Variants in AFDN observed in about 807,000 individuals in gnomAD.
The protein encoded by AFDN is afadin, adherens junction formation factor, also known as afadin.
Under a neutral mutation model 216.6 loss-of-function variants are expected in AFDN, and 68 were observed. The ratio of observed to expected loss-of-function variants is 0.31; its 90% CI spans 0.26 to 0.38. The LOEUF (loss-of-function observed/expected upper bound fraction) is 0.38, where lower values mean the gene tolerates loss of function less well. AFDN is among the 10% of genes least tolerant of loss of function. AFDN has a pLI of 1.00. For synonymous variants in AFDN, 868 were observed against 853.7 expected (o/e 1.02, Z -0.29); for missense variants, 2,136 against 2,342.0 (o/e 0.91, Z 1.82).
At chr6:167,859,099 A>C (rs1783242083) in intron 1 of AFDN, among the ~76,000 whole-genome samples, 1 of 147,650 alleles carries the variant, frequency 6.8e-6, no homozygotes, top group African/African-American at 2.5e-5. Flanking sequence ...TTCTTTTTCA[A>C]ATGCTTCCAG....
At chr6:167,934,116 T>G (rs1004902982) in intron 23 of AFDN, among the ~76,000 whole-genome samples, 3 of 152,212 alleles carry the variant, frequency 2.0e-5, no homozygotes, top group African/African-American at 7.2e-5. Context: ...CACCTGCAAA[T>G]GTCGCGTGCG....
At chr6:167,840,505 T>G (rs1780943630) in intron 1 of AFDN, among the ~76,000 whole-genome samples, 1 of 152,212 alleles carries the variant, frequency 6.6e-6, no homozygotes, top group Non-Finnish European at 1.5e-5. Context: ...ATGCTGGGGC[T>G]CATTCTTGAA....
chr6:167,906,588 C>CAA (rs1789718811), intron 12 of AFDN, among the ~76,000 whole-genome samples: 1 of 152,108 alleles, frequency 6.6e-6, no homozygotes, highest in Admixed American at 6.5e-5. Context: ...TGTCTGCCTA[C>CAA]AAATTCCATA....
At chr6:167,954,403 CT>C (rs774225279) in intron 30 of AFDN, 20 of 1,507,956 alleles carry the variant, frequency 1.3e-5, no homozygotes, top group South Asian at 3.8e-5. Context: ...CTAAACCTAA[CT>C]TTTTTTTCCA....
At chr6:167,907,430 C>T in intron 13 of AFDN, 141 bp downstream of exon 13, 1 of 649,274 alleles carries the variant, frequency 1.5e-6, no homozygotes, top group Non-Finnish European at 2.6e-6. Context: ...CATTTCCTTT[C>T]TGTGTTATTG....
chr6:167,864,724 C>T lies in AFDN; in HGVS notation c.279C>T (p.Leu93=), dbSNP rs1413533965. The T allele has an allele frequency of 1.2e-6, 2 of 1,614,012 alleles. No individual in the cohort carries two copies. The highest frequency in any genetic ancestry group is 1.3e-5 in the African/African-American group (1 of 74,940). The change falls in exon 2 of 34, where the codon CTC becomes CTT. Residue 93 remains leucine (L), a synonymous_variant. Transcript: ENST00000683244. ...TGCTGTCCTCTCCCAAGTATTCACT[C>T]TATGAAGTGCATGTCAGCGGAGGTC... ...MRMLSSPKYS[L]YEVHVSGERR...
intron 1 of AFDN, among the ~76,000 whole-genome samples, chr6:167,855,879 C>T (rs1376336607): frequency 2.0e-5 from 3 of 152,098 alleles, no homozygotes; most frequent in African/African-American, 7.2e-5. Flanking sequence ...AATGATAAGT[C>T]ATAGTACAGT....
chr6:167,936,093 A>G (rs1793966046), intron 23 of AFDN, among the ~76,000 whole-genome samples: 1 of 152,222 alleles, frequency 6.6e-6, no homozygotes, highest in Admixed American at 6.5e-5. Context: ...TGCAGTCAAT[A>G]TAAAAATCAT....
In AFDN at chr6:167,962,304, G is replaced by C. The variant is rs370787238; in HGVS notation, c.4834-129G>C. The C allele has an allele frequency of 2.4e-6, 3 of 1,272,332 alleles. No individual in the cohort carries two copies. Among genetic ancestry groups the C allele is most frequent in the Non-Finnish European group, 3.1e-6 (3 of 959,170 alleles). 78.8% of individuals were successfully genotyped at this position (1,272,332 alleles called of 1,614,324 possible). Reference sequence around the variant, plus strand: ...TATTTTCCAACAGTGATTTTAACCTGGTATTTTATATTTAACTTTCTGTGT... The same window carrying C: ...TATTTTCCAACAGTGATTTTAACCTCGTATTTTATATTTAACTTTCTGTGT... On this transcript the variant is annotated intron_variant, in intron 30 of 33. Transcript: ENST00000683244. The surrounding 1 kb of genome is among the most constrained non-coding windows in gnomAD (Gnocchi z 5.2).
chr6:167,939,654 C>A (rs1439957619), intron 23 of AFDN, among the ~76,000 whole-genome samples: 1 of 152,074 alleles, frequency 6.6e-6, no homozygotes, highest in Non-Finnish European at 1.5e-5. Context: ...ATGAAATTGT[C>A]GTTTAAACAG....
In AFDN at chr6:167,914,630, CTA is replaced by C. The variant is rs1200526823; in HGVS notation, c.2205-12_2205-11del. Reference sequence around the variant, plus strand: ...GTCATGCTAAGATTACTTAAATTGTCTATGTATTTTCAGATACTTGGTTCACT... The same window carrying C: ...GTCATGCTAAGATTACTTAAATTGTCTGTATTTTCAGATACTTGGTTCACT... On this transcript the variant is annotated splice_polypyrimidine_tract_variant and intron_variant, in intron 17 of 33. Transcript: ENST00000683244. 7 of 1,553,692 alleles carry C rather than the reference CTA, an allele frequency of 4.5e-6. No individual in the cohort carries two copies. Among genetic ancestry groups the C allele is most frequent in the Non-Finnish European group, 6.2e-6 (7 of 1,125,888 alleles).
At chr6:167,947,405 T>G (rs1020886171) in intron 27 of AFDN, among the ~76,000 whole-genome samples, 1 of 152,224 alleles carries the variant, frequency 6.6e-6, no homozygotes, top group South Asian at 2.1e-4. Context: ...GGTCTCGATC[T>G]CCTGACCTCG....
At chr6:167,869,348 TA>T (rs201904113) in intron 2 of AFDN, among the ~76,000 whole-genome samples, 2 of 151,444 alleles carry the variant, frequency 1.3e-5, no homozygotes, top group African/African-American at 2.4e-5. Flanking sequence ...GAGGCATTTC[TA>T]AAAAAAAACT....
intron 11 of AFDN, among the ~76,000 whole-genome samples, chr6:167,899,435 G>T (rs1437465021): frequency 1.3e-5 from 2 of 152,090 alleles, no homozygotes; most frequent in African/African-American, 4.8e-5. Flanking sequence ...CTTTAAACTA[G>T]TGTATTTAAA....
chr6:167,935,679 A>G (rs1430764704), intron 23 of AFDN, among the ~76,000 whole-genome samples: 2 of 152,206 alleles, frequency 1.3e-5, no homozygotes, highest in Admixed American at 6.5e-5. Context: ...TTCAAATACC[A>G]TATTTAGGTA....
intron 30 of AFDN, among the ~76,000 whole-genome samples, chr6:167,959,518 C>G (rs1338047423): frequency 6.6e-6 from 1 of 152,078 alleles, no homozygotes; most frequent in Non-Finnish European, 1.5e-5. Context: ...TTAGGGTGGA[C>G]ATTTTTAAAG....
intron 3 of AFDN, 118 bp from the exon 4 acceptor site, chr6:167,872,096 T>A: frequency 1.1e-6 from 1 of 916,622 alleles, no homozygotes; most frequent in South Asian, 1.7e-5. Flanking sequence ...GACCTTCCTG[T>A]GTTTCAGTAG....
rs1795953379 is a variant in AFDN at position 167,951,362 on chromosome 6, C to T, written c.4008C>T (p.Val1336=). The T allele has an allele frequency of 6.2e-7, 1 of 1,614,168 alleles. No individual in the cohort carries two copies. The part of the protein sequence containing the change: ...QEHLNHSSKS[V]TPASTLTKSG... ...ATCTGAACCATTCCTCTAAGTCGGTCACCCCTGCTTCCACACTGACCAAAA... is the reference window on the plus strand; with the variant it reads ...ATCTGAACCATTCCTCTAAGTCGGTTACCCCTGCTTCCACACTGACCAAAA... The change falls in exon 30 of 34, where the codon GTC becomes GTT. Residue 1336 remains valine, a synonymous_variant. Coordinates refer to ENST00000683244, the MANE Select transcript of AFDN (RefSeq NM_001386888.1). This position sits in a 1 kb window ranked among gnomAD's most constrained non-coding sequence, Gnocchi z 7.1.
In AFDN at chr6:167,969,774, T is replaced by G. The variant is rs748277757; in HGVS notation, c.5343-8T>G. On this transcript the variant is annotated splice_polypyrimidine_tract_variant and splice_region_variant and intron_variant, in intron 33 of 33. Transcript: ENST00000683244. Reference sequence around the variant, plus strand: ...TCCAGTAATCTTTGATATTGCCCTCTTCTGCAGCCAAGATGCAGATTCACC... The same window carrying G: ...TCCAGTAATCTTTGATATTGCCCTCGTCTGCAGCCAAGATGCAGATTCACC... The G allele has an allele frequency of 1.9e-6, 3 of 1,603,944 alleles. No homozygotes were observed. Among genetic ancestry groups the G allele is most frequent in the Non-Finnish European group, 2.5e-6 (3 of 1,177,442 alleles).
Sources: gnomAD v4.1 joint callset for allele counts (sites outside exome capture counted in the v4.1 genomes callset) on GRCh38, gnomAD v4.1.1 for gene constraint, Gnocchi (gnomAD v3.1) non-coding constraint, MANE v1.5 for transcripts, NCBI Gene and HGNC (gene_info 2026-07-23, HGNC 2026-07-21) for gene names.